Variants in CNTNAP2 observed in about 807,000 individuals in gnomAD.
CNTNAP2 encodes contactin-associated protein-like 2.
Under a neutral mutation model 155.2 loss-of-function variants are expected in CNTNAP2, and 98 were observed. The ratio of observed to expected loss-of-function variants is 0.63; its 90% CI spans 0.54 to 0.75. The LOEUF (loss-of-function observed/expected upper bound fraction) is 0.75, where lower values mean the gene tolerates loss of function less well. Among genes scored for constraint, CNTNAP2 ranks in the 30% least tolerant of loss-of-function variants. The probability of loss-of-function intolerance (pLI) is 0.00; values close to 1 mark genes in which losing one functional copy is unlikely to be tolerated. For missense variants in CNTNAP2, 1,727 were observed against 1,688.1 expected (o/e 1.02, Z -0.40); for synonymous variants, 651 against 631.2 (o/e 1.03, Z -0.47).
At chr7:146,782,849 C>G (rs1802514386) in intron 2 of CNTNAP2, among the ~76,000 whole-genome samples, 1 of 152,052 alleles carries the variant, frequency 6.6e-6, no homozygotes, top group Admixed American at 6.5e-5. Flanking sequence ...CTATAGATAC[C>G]AACATTTTAA....
chr7:147,728,625 A>G (rs1796684442), intron 13 of CNTNAP2, among the ~76,000 whole-genome samples: 1 of 152,030 alleles, frequency 6.6e-6, no homozygotes, highest in African/African-American at 2.4e-5. Context: ...TAATAAAAGC[A>G]AAGGGATGAA....
intron 8 of CNTNAP2, among the ~76,000 whole-genome samples, chr7:147,182,007 C>A (rs569406835): frequency 4.0e-5 from 6 of 151,846 alleles, no homozygotes; most frequent in Admixed American, 6.6e-5. Flanking sequence ...CACCTGTAAT[C>A]CCAGCTACTC....
At chr7:146,450,240 T>C (rs1313936268) in intron 1 of CNTNAP2, among the ~76,000 whole-genome samples, 1 of 152,238 alleles carries the variant, frequency 6.6e-6, no homozygotes, top group Non-Finnish European at 1.5e-5. Context: ...CATTTAGCTG[T>C]ATTAATACTT....
rs188202913 is a variant in CNTNAP2, at chr7:148,024,052, C to T, written c.2383+46063C>T. ...CTATATAACAACATCTAGAAGTAGA[C>T]AGTGTTGCCTTTTTATGCTATATCC... On this transcript the variant is annotated intron_variant, in intron 15 of 23. Coordinates refer to ENST00000361727, the MANE Select transcript of CNTNAP2 (RefSeq NM_014141.6). Among the ~76,000 whole-genome samples, 148 of 148,420 alleles carry T rather than the reference C, an allele frequency of 1.0e-3. 1 individual carries two copies. The highest frequency in any genetic ancestry group is 3.4e-3 in the African/African-American group (139 of 40,432).
chr7:146,862,332 T>C (rs1234270590), intron 3 of CNTNAP2, among the ~76,000 whole-genome samples: 1 of 152,114 alleles, frequency 6.6e-6, no homozygotes, highest in Non-Finnish European at 1.5e-5. Flanking sequence ...CCTTTCTTAA[T>C]GACAACAAAA....
At chr7:146,947,557 G>GTATATATATATATATATATATACATA (rs1325610298) in intron 3 of CNTNAP2, among the ~76,000 whole-genome samples, 1 of 50,714 alleles carries the variant, frequency 2.0e-5, no homozygotes, top group Non-Finnish European at 4.8e-5. Context: ...GTGTGTGTGT[G>GTATATATATATATATATATATACATA]TATATATATA....
At chr7:147,592,969 G>A (rs138438368) in intron 12 of CNTNAP2, among the ~76,000 whole-genome samples, 282 of 152,250 alleles carry the variant, frequency 1.9e-3, no homozygotes, top group African/African-American at 6.3e-3. Context: ...TGCAGGATGC[G>A]AGGCAAAGAC....
At chr7:146,770,518 G>A (rs1802275923) in intron 1 of CNTNAP2, among the ~76,000 whole-genome samples, 1 of 151,738 alleles carries the variant, frequency 6.6e-6, no homozygotes, top group Non-Finnish European at 1.5e-5. Flanking sequence ...TGAGATTGCT[G>A]GTGCTTTACA....
chr7:148,042,912 G>C (rs540656826), intron 15 of CNTNAP2, among the ~76,000 whole-genome samples: 1 of 152,320 alleles, frequency 6.6e-6, no homozygotes, highest in South Asian at 2.1e-4. Context: ...AAATGTTGTG[G>C]TTTCCAGTAT....
At chr7:148,031,608 A>T (rs542000859) in intron 15 of CNTNAP2, among the ~76,000 whole-genome samples, 12 of 152,372 alleles carry the variant, frequency 7.9e-5, no homozygotes, top group African/African-American at 2.6e-4. Flanking sequence ...TGTATTTAAT[A>T]GCACTAAATA....
At chr7:147,686,226 C>T (rs575240645) in intron 13 of CNTNAP2, among the ~76,000 whole-genome samples, 11 of 151,990 alleles carry the variant, frequency 7.2e-5, no homozygotes, top group African/African-American at 2.4e-4. Context: ...AAGTTTGAGA[C>T]ATTTGGCTTT....
At chr7:147,257,029 G>A (rs991315100) in intron 8 of CNTNAP2, among the ~76,000 whole-genome samples, 1 of 152,238 alleles carries the variant, frequency 6.6e-6, no homozygotes, top group African/African-American at 2.4e-5. Context: ...CTAAGTGAGA[G>A]AATTTTATGA....
intron 20 of CNTNAP2, among the ~76,000 whole-genome samples, chr7:148,253,204 A>G (rs1356310346): frequency 6.6e-6 from 1 of 152,156 alleles, no homozygotes; most frequent in African/African-American, 2.4e-5. Context: ...ATTCTTTTCC[A>G]AAACACATCC....
At chr7:148,024,307 A>G (rs1802339202) in intron 15 of CNTNAP2, among the ~76,000 whole-genome samples, 1 of 152,158 alleles carries the variant, frequency 6.6e-6, no homozygotes, top group African/African-American at 2.4e-5. Context: ...TGTGGCCTCC[A>G]TACCCGCTAG....
At chr7:147,987,559 T>G (rs1320373393) in intron 15 of CNTNAP2, among the ~76,000 whole-genome samples, 2 of 152,350 alleles carry the variant, frequency 1.3e-5, no homozygotes, top group East Asian at 3.9e-4. Flanking sequence ...GTAAAATATT[T>G]GAAGACATTT....
chr7:148,037,072 G>A (rs758818203), intron 15 of CNTNAP2, among the ~76,000 whole-genome samples: 67 of 152,178 alleles, frequency 4.4e-4, no homozygotes, highest in Non-Finnish European at 6.9e-4. Flanking sequence ...GTTTTAAATG[G>A]GGGCTTTACT....
chr7:146,904,815 T>A (rs1314877312), intron 3 of CNTNAP2, among the ~76,000 whole-genome samples: 1 of 152,178 alleles, frequency 6.6e-6, no homozygotes, highest in Non-Finnish European at 1.5e-5. Flanking sequence ...TGTCACTGAC[T>A]GTGAATCGTA....
At chr7:147,642,007 T>TGC (rs559489680) in intron 13 of CNTNAP2, among the ~76,000 whole-genome samples, 11 of 127,792 alleles carry the variant, frequency 8.6e-5, no homozygotes, top group African/African-American at 2.7e-4. Flanking sequence ...GGTGTGTGTG[T>TGC]GTGCGTGTGT....
intron 13 of CNTNAP2, among the ~76,000 whole-genome samples, chr7:147,813,351 GAGA>G (rs1312272241): frequency 2.0e-5 from 3 of 152,160 alleles, no homozygotes; most frequent in African/African-American, 7.2e-5. Context: ...TAGAATCTCA[GAGA>G]AGAAGAAAGC....
Sources: allele counts gnomAD v4.1 joint callset (sites outside exome capture counted in the v4.1 genomes callset), GRCh38; gene constraint gnomAD v4.1.1; transcripts MANE v1.5; gene names NCBI Gene and HGNC (gene_info 2026-07-23, HGNC 2026-07-21).